GRIK2: variants seen among roughly 807,000 people sequenced by gnomAD.
The protein encoded by GRIK2 is glutamate ionotropic receptor kainate type subunit 2.
Under a neutral mutation model 100.3 loss-of-function variants are expected in GRIK2, and 32 were observed. The ratio of observed to expected loss-of-function variants is 0.32; its 90% CI spans 0.24 to 0.43. GRIK2 has a LOEUF of 0.43. Among genes scored for constraint, GRIK2 ranks in the 20% least tolerant of loss-of-function variants. The probability of loss-of-function intolerance (pLI) is 1.00; values close to 1 mark genes in which losing one functional copy is unlikely to be tolerated. For synonymous variants in GRIK2, 417 were observed against 389.4 expected (o/e 1.07, Z -0.83); for missense variants, 843 against 1,114.9 (o/e 0.76, Z 3.47).
intron 16 of GRIK2, chr6:102,064,081 T>C: frequency 1.1e-6 from 1 of 933,558 alleles, no homozygotes; most frequent in Non-Finnish European, 1.7e-6. Flanking sequence ...TTTTTCTTTT[T>C]GTAGTCTGTT....
intron 2 of GRIK2, among the ~76,000 whole-genome samples, chr6:101,495,087 T>A (rs1773363851): frequency 6.6e-6 from 1 of 150,780 alleles, no homozygotes; most frequent in African/African-American, 2.4e-5. Flanking sequence ...AATTATGTTC[T>A]CTATAGTATA....
intron 7 of GRIK2, among the ~76,000 whole-genome samples, chr6:101,744,413 T>G (rs906380938): frequency 6.6e-6 from 1 of 150,980 alleles, no homozygotes; most frequent in African/African-American, 2.4e-5. Flanking sequence ...AAAATAATGG[T>G]CTCCAATTCC....
chr6:101,583,143 T>A (rs1778180782), intron 2 of GRIK2, among the ~76,000 whole-genome samples: 1 of 152,104 alleles, frequency 6.6e-6, no homozygotes, highest in Non-Finnish European at 1.5e-5. Flanking sequence ...AGAGAAGCTG[T>A]GATTAAGCAA....
intron 4 of GRIK2, among the ~76,000 whole-genome samples, chr6:101,675,699 T>C (rs563762374): frequency 1.3e-5 from 2 of 152,286 alleles, no homozygotes; most frequent in African/African-American, 2.4e-5. Context: ...GGAAATATAT[T>C]CATTAATGTG....
In GRIK2 at chr6:101,601,012, T is replaced by C. The variant is rs540145420; in HGVS notation, c.116-20937T>C. Among the ~76,000 whole-genome samples the C allele has an allele frequency of 1.2e-4, 18 of 151,910 alleles. No individual in the cohort carries two copies. In the South Asian group the frequency reaches 3.1e-3, roughly 26 times the overall value. On this transcript the variant is annotated intron_variant, in intron 2 of 16. Coordinates refer to ENST00000369134, the MANE Select transcript of GRIK2 (RefSeq NM_021956.5). ...GCAAGCTTGTCTTCTTCAGTTCTTA[T>C]GGGGAATGGTTCAAACTTTTGCCCA...
intron 2 of GRIK2, among the ~76,000 whole-genome samples, chr6:101,555,186 C>T (rs773205669): frequency 6.6e-6 from 1 of 152,184 alleles, no homozygotes; most frequent in Non-Finnish European, 1.5e-5. Flanking sequence ...ACCCCTTTTA[C>T]TTTTATGCTA....
At chr6:101,754,345 T>C (rs1776991032) in intron 7 of GRIK2, among the ~76,000 whole-genome samples, 1 of 152,218 alleles carries the variant, frequency 6.6e-6, no homozygotes, top group South Asian at 2.1e-4. Flanking sequence ...CATAATTAGA[T>C]TGTTCTATCT....
At chr6:101,788,531 A>C (rs1779595064) in intron 7 of GRIK2, among the ~76,000 whole-genome samples, 1 of 152,128 alleles carries the variant, frequency 6.6e-6, no homozygotes, top group African/African-American at 2.4e-5. Flanking sequence ...CCTACAAAGG[A>C]CATGAACTCA....
chr6:102,047,247 G>A (rs1225990362), intron 15 of GRIK2, among the ~76,000 whole-genome samples: 1 of 151,246 alleles, frequency 6.6e-6, no homozygotes, highest in East Asian at 2.0e-4. Flanking sequence ...AAAACCATAG[G>A]AAAAAAACCC....
chr6:101,844,179 T>C (rs1020326264), intron 10 of GRIK2, among the ~76,000 whole-genome samples: 1 of 152,136 alleles, frequency 6.6e-6, no homozygotes, highest in Admixed American at 6.6e-5. Flanking sequence ...AAAAATGTAA[T>C]AAAATATTTG....
chr6:101,441,906 G>A (rs1438036179), intron 2 of GRIK2, among the ~76,000 whole-genome samples: 8 of 151,664 alleles, frequency 5.3e-5, no homozygotes, highest in African/African-American at 1.9e-4. Flanking sequence ...ACATAAGAAA[G>A]TAGTCTGGGA....
At chr6:101,762,152 C>G (rs77976696) in intron 7 of GRIK2, among the ~76,000 whole-genome samples, 1 of 120,554 alleles carries the variant, frequency 8.3e-6, no homozygotes, top group Non-Finnish European at 1.7e-5. Flanking sequence ...CTTCCTCTTC[C>G]TCTGTCTCTG....
intron 7 of GRIK2, among the ~76,000 whole-genome samples, chr6:101,784,678 G>A (rs1477213065): frequency 6.6e-6 from 1 of 152,016 alleles, no homozygotes. Flanking sequence ...TGATAGTGAG[G>A]GAATTCTCAT....
intron 4 of GRIK2, among the ~76,000 whole-genome samples, chr6:101,648,123 A>C (rs1394013787): frequency 6.6e-6 from 1 of 151,976 alleles, no homozygotes; most frequent in Non-Finnish European, 1.5e-5. Flanking sequence ...TCTAATCATT[A>C]TTTTTCATTA....
intron 7 of GRIK2, among the ~76,000 whole-genome samples, chr6:101,713,236 GTCA>G (rs1323684428): frequency 2.0e-5 from 3 of 151,530 alleles, no homozygotes; most frequent in Non-Finnish European, 4.4e-5. Context: ...CATGGTATCT[GTCA>G]TCATTACTGA....
At chr6:101,865,329 G>C (rs917117262) in intron 11 of GRIK2, among the ~76,000 whole-genome samples, 1 of 152,132 alleles carries the variant, frequency 6.6e-6, no homozygotes, top group Non-Finnish European at 1.5e-5. Context: ...AGCCTTTTAT[G>C]ATTCATAAAT....
At chr6:101,700,857 G>T (rs1739537101) in intron 7 of GRIK2, among the ~76,000 whole-genome samples, 2 of 152,094 alleles carry the variant, frequency 1.3e-5, no homozygotes, top group South Asian at 4.1e-4. Context: ...ATAGAGCCCA[G>T]GGGGCTCAAA....
intron 2 of GRIK2, among the ~76,000 whole-genome samples, chr6:101,525,807 T>C (rs913851608): frequency 2.6e-5 from 4 of 152,126 alleles, no homozygotes; most frequent in African/African-American, 9.7e-5. Context: ...GTCAATTCTG[T>C]TACATGAGGG....
intron 4 of GRIK2, among the ~76,000 whole-genome samples, chr6:101,645,332 C>G (rs1421583224): frequency 6.6e-6 from 1 of 151,760 alleles, no homozygotes; most frequent in East Asian, 1.9e-4. Flanking sequence ...TGCTGTTGCT[C>G]TCTCTCTCAG....
Sources: gnomAD v4.1 joint callset for allele counts (sites outside exome capture counted in the v4.1 genomes callset) on GRCh38, gnomAD v4.1.1 for gene constraint, MANE v1.5 for transcripts, NCBI Gene and HGNC (gene_info 2026-07-23, HGNC 2026-07-21) for gene names.